The following LRP1B variants were observed in gnomAD, a reference collection of about 807,000 sequenced individuals.
LRP1B encodes LDL receptor related protein 1B, also known as low-density lipoprotein receptor-related protein 1B.
In LRP1B, 217 loss-of-function variants were observed where a neutral mutation model predicts 556.6. The observed-to-expected ratio is 0.39, with a 90% CI of 0.35 to 0.44. LRP1B has a LOEUF of 0.44. LRP1B is among the 20% of genes least tolerant of loss of function. LRP1B has a pLI of 1.00. For missense variants in LRP1B, 5,053 were observed against 5,620.8 expected, an observed-to-expected ratio of 0.90 and a Z score of 3.23; for synonymous variants, 2,047 against 1,865.8, an observed-to-expected ratio of 1.10 and a Z score of -2.50.
intron 8 of LRP1B, among the ~76,000 whole-genome samples, chr2:141,061,409 T>A (rs1428570185): frequency 2.6e-5 from 4 of 151,794 alleles, no homozygotes; most frequent in Admixed American, 6.6e-5. Flanking sequence ...ATCAGATTTT[T>A]AAATATATTA....
intron 1 of LRP1B, among the ~76,000 whole-genome samples, chr2:141,974,173 G>C (rs1320861309): frequency 6.6e-6 from 1 of 151,888 alleles, no homozygotes; most frequent in African/African-American, 2.4e-5. Flanking sequence ...AGAAAGACCT[G>C]GTTGAGAAAC....
At position 140,374,603 on chromosome 2, in the gene LRP1B, A is replaced by G. The variant is rs149232585; in HGVS notation, c.10639-1466T>C. On this transcript the variant is annotated intron_variant, in intron 68 of 90. Coordinates refer to ENST00000389484, the MANE Select transcript of LRP1B (RefSeq NM_018557.3). ...TGTTTTATTCACCGCTGTATTCTCC[A>G]TACTATTAGTGCCGGGGACATAGTA... Among the ~76,000 whole-genome samples, 1,011 of 152,316 alleles carry G rather than the reference A, an allele frequency of 6.6e-3. 7 individuals are homozygous for G. The highest frequency in any genetic ancestry group is 0.023 in the African/African-American group (948 of 41,590).
In LRP1B at chr2:140,525,884, A is replaced by C. The variant is rs568776928; in HGVS notation, c.7986T>G (p.Ser2662=). The change falls in exon 49 of 91, where the codon TCT becomes TCG. Residue 2662 remains serine, a synonymous_variant. Transcript: ENST00000389484. The part of the protein sequence containing the change: ...CVLPTWICDG[S]NDCGDYSDEL... ...CATCTGAATAGTCTCCACAGTCATTAGACCCGTCGCATATCCAGGTTGGCA... is the reference window on the plus strand; with the variant it reads ...CATCTGAATAGTCTCCACAGTCATTCGACCCGTCGCATATCCAGGTTGGCA... 1 of 1,612,408 alleles carries C rather than the reference A, an allele frequency of 6.2e-7. No individual in the cohort carries two copies. The highest frequency in any genetic ancestry group is 2.2e-5 in the East Asian group (1 of 44,852).
chr2:141,215,300 T>G (rs1313320835), intron 6 of LRP1B, among the ~76,000 whole-genome samples: 1 of 152,214 alleles, frequency 6.6e-6, no homozygotes, highest in Non-Finnish European at 1.5e-5. Context: ...CTGTACAGCC[T>G]GCAGAACCAT....
intron 1 of LRP1B, among the ~76,000 whole-genome samples, chr2:141,876,828 C>A (rs144387856): frequency 6.6e-6 from 1 of 151,966 alleles, no homozygotes; most frequent in African/African-American, 2.4e-5. Context: ...ACACAAATTA[C>A]AAATGTCTAT....
intron 85 of LRP1B, among the ~76,000 whole-genome samples, chr2:140,271,259 TAAC>T (rs994386610): frequency 2.2e-4 from 34 of 152,048 alleles, no homozygotes; most frequent in Middle Eastern, 3.4e-3. Flanking sequence ...AAACCAGAAT[TAAC>T]AACAGATCAT....
intron 43 of LRP1B, among the ~76,000 whole-genome samples, chr2:140,597,589 A>T (rs1341521741): frequency 3.3e-5 from 5 of 152,204 alleles, no homozygotes; most frequent in African/African-American, 1.2e-4. Context: ...AGAAATCTAA[A>T]GTTTATAAAG....
At chr2:141,670,015 A>C (rs779377284) in intron 2 of LRP1B, among the ~76,000 whole-genome samples, 25 of 152,260 alleles carry the variant, frequency 1.6e-4, no homozygotes, top group Admixed American at 3.3e-4. Flanking sequence ...GGCATCCCAA[A>C]GTGCTGGGAT....
intron 5 of LRP1B, among the ~76,000 whole-genome samples, chr2:141,231,100 G>T (rs1683442160): frequency 6.6e-6 from 1 of 152,194 alleles, no homozygotes; most frequent in African/African-American, 2.4e-5. Flanking sequence ...AGTATGACTA[G>T]CTATTCAGAA....
chr2:140,298,897 G>T (rs975964436), intron 83 of LRP1B, among the ~76,000 whole-genome samples: 4 of 152,020 alleles, frequency 2.6e-5, no homozygotes, highest in Non-Finnish European at 2.9e-5. Flanking sequence ...CATTTAAATG[G>T]TAAAATAATA....
chr2:140,900,168 C>T (rs1366500599), intron 23 of LRP1B, among the ~76,000 whole-genome samples: 1 of 152,102 alleles, frequency 6.6e-6, no homozygotes, highest in African/African-American at 2.4e-5. Flanking sequence ...TTATCTCTGT[C>T]CCTGGTCACC....
chr2:140,771,175 A>T (rs1354463212), intron 33 of LRP1B, among the ~76,000 whole-genome samples, 169 bp from the exon 34 acceptor site: 1 of 152,162 alleles, frequency 6.6e-6, no homozygotes, highest in African/African-American at 2.4e-5. Flanking sequence ...AAAGTAGTAA[A>T]TTATTGTTGA....
At chr2:140,484,013 G>A (rs997958576) in intron 59 of LRP1B, among the ~76,000 whole-genome samples, 4 of 152,072 alleles carry the variant, frequency 2.6e-5, no homozygotes, top group Admixed American at 6.6e-5. Flanking sequence ...AGAATGAATA[G>A]ATGATAGCCA....
intron 41 of LRP1B, among the ~76,000 whole-genome samples, chr2:140,676,242 C>T (rs551314861): frequency 1.3e-5 from 2 of 152,116 alleles, no homozygotes; most frequent in African/African-American, 2.4e-5. Context: ...TCCTACAGCA[C>T]GTAATTATAT....
At chr2:140,935,590 G>A (rs1358487975) in intron 20 of LRP1B, among the ~76,000 whole-genome samples, 1 of 152,010 alleles carries the variant, frequency 6.6e-6, no homozygotes, top group Non-Finnish European at 1.5e-5. Context: ...GAAGGAGGAG[G>A]AAGGGAGCGA....
chr2:141,470,829 T>C (rs72849032), intron 3 of LRP1B, among the ~76,000 whole-genome samples: 18,466 of 152,256 alleles, frequency 0.12, 1,607 homozygotes, highest in Non-Finnish European at 0.18. Context: ...AACAATGATA[T>C]ATTTTTCAAA....
chr2:142,073,287 G>A (rs375612036), intron 1 of LRP1B, among the ~76,000 whole-genome samples: 1 of 151,778 alleles, frequency 6.6e-6, no homozygotes, highest in African/African-American at 2.4e-5. Context: ...TTTGAATAAA[G>A]GTATACTCCT....
At chr2:142,018,830 C>T (rs1254470349) in intron 1 of LRP1B, among the ~76,000 whole-genome samples, 1 of 151,650 alleles carries the variant, frequency 6.6e-6, no homozygotes, top group Non-Finnish European at 1.5e-5. Context: ...CTTTCACTAG[C>T]AAGATAAATG....
At chr2:141,158,529 T>C (rs1398169385) in intron 7 of LRP1B, among the ~76,000 whole-genome samples, 1 of 152,244 alleles carries the variant, frequency 6.6e-6, no homozygotes, top group East Asian at 1.9e-4. Context: ...AAGATACTTG[T>C]CTTTTCAATT....
Sources: gnomAD v4.1 joint callset for allele counts (sites outside exome capture counted in the v4.1 genomes callset) on GRCh38, gnomAD v4.1.1 for gene constraint, MANE v1.5 for transcripts, NCBI Gene and HGNC (gene_info 2026-07-23, HGNC 2026-07-21) for gene names.